ARID1B: variants seen among roughly 807,000 people sequenced by gnomAD.
The protein encoded by ARID1B is AT-rich interaction domain 1B.
In ARID1B, 30 loss-of-function variants were observed where a neutral mutation model predicts 212.3. That is an observed-to-expected ratio of 0.14 (90% CI 0.11 to 0.19). The LOEUF is 0.19. ARID1B is among the 10% of genes least tolerant of loss of function. ARID1B has a pLI of 1.00. For synonymous variants in ARID1B, 1,402 were observed against 1,301.7 expected (o/e 1.08, Z -1.66); for missense variants, 2,891 against 3,204.0 (o/e 0.90, Z 2.36).
chr6:156,824,931 C>T (rs1254601908), intron 1 of ARID1B, among the ~76,000 whole-genome samples: 1 of 151,408 alleles, frequency 6.6e-6, no homozygotes, highest in Non-Finnish European at 1.5e-5. Context: ...GTGGCACGAT[C>T]TTGGCTCACT....
chr6:157,114,840 T>G lies in ARID1B; in HGVS notation c.2581+4279T>G, dbSNP rs555364715. Reference sequence around the variant, plus strand: ...ACCTACTTCTCTCTAGAGGTGCAGTTTTCTGAGTTCTCCCTCCAAGTCCTC... The same window carrying G: ...ACCTACTTCTCTCTAGAGGTGCAGTGTTCTGAGTTCTCCCTCCAAGTCCTC... On this transcript the variant is annotated intron_variant, in intron 6 of 19. Coordinates refer to ENST00000636930, the MANE Select transcript of ARID1B (RefSeq NM_001374828.1). Among the ~76,000 whole-genome samples the G allele has an allele frequency of 5.9e-5, 9 of 152,268 alleles. No homozygotes were observed. In the South Asian group the frequency reaches 1.9e-3, roughly 32 times the overall value.
chr6:156,893,946 C>A (rs530931893), intron 2 of ARID1B, among the ~76,000 whole-genome samples: 10 of 151,996 alleles, frequency 6.6e-5, no homozygotes, highest in Non-Finnish European at 1.5e-4. Flanking sequence ...CGGAATGTAC[C>A]CCAAGACGTA....
At position 157,190,171 on chromosome 6, in the gene ARID1B, T is replaced by G. The variant is rs901194685; in HGVS notation, c.4192T>G (p.Tyr1398Asp). 1 of 1,613,948 alleles carries G rather than the reference T, an allele frequency of 6.2e-7. No homozygotes were observed. The highest frequency in any genetic ancestry group is 8.5e-7 in the Non-Finnish European group (1 of 1,179,970). Reference sequence around the variant, plus strand: ...GCCCGATGTGATGGGCAGGATGCCCTATGAGCCCAACAAGGACCCCTTTGG... The same window carrying G: ...GCCCGATGTGATGGGCAGGATGCCCGATGAGCCCAACAAGGACCCCTTTGG... ...SMPDVMGRMP[Y>D]EPNKDPFGGM... Residue 1398 changes from tyrosine (Y) to aspartate (D), a missense_variant, in exon 15 of 20, where the codon TAT becomes GAT. Tyr to Asp is a radical substitution (Grantham distance 160, BLOSUM62 -3). Around this residue, in one of 7 missense-constraint regions of ARID1B, gnomAD observed 666 missense variants for 873.5 expected, o/e 0.76. Transcript: ENST00000636930. This position sits in a 1 kb window ranked among gnomAD's most constrained non-coding sequence, Gnocchi z 4.6.
At chr6:156,966,723 A>T (rs1174418345) in intron 4 of ARID1B, among the ~76,000 whole-genome samples, 1 of 148,144 alleles carries the variant, frequency 6.8e-6, no homozygotes, top group Non-Finnish European at 1.5e-5. Flanking sequence ...TTGCTTTGAG[A>T]CGGAGTCTCG....
At chr6:156,818,098 A>ATTTTTTT (rs71027317) in intron 1 of ARID1B, among the ~76,000 whole-genome samples, 2 of 61,330 alleles carry the variant, frequency 3.3e-5, no homozygotes, top group Non-Finnish European at 5.8e-5. Flanking sequence ...TAGTTGCCCT[A>ATTTTTTT]TTTTTTTTTT....
chr6:156,950,997 A>G (rs565182198), intron 4 of ARID1B, among the ~76,000 whole-genome samples: 2 of 152,318 alleles, frequency 1.3e-5, no homozygotes, highest in South Asian at 4.1e-4. Flanking sequence ...CAGATACTCT[A>G]TAACTTAATG....
intron 6 of ARID1B, among the ~76,000 whole-genome samples, chr6:157,116,462 G>T (rs1787326480): frequency 6.7e-6 from 1 of 149,308 alleles, no homozygotes; most frequent in African/African-American, 2.5e-5. Context: ...ATCAACACAG[G>T]TTATTTAACC....
chr6:157,105,076 T>A (rs893031211), intron 5 of ARID1B, among the ~76,000 whole-genome samples: 1 of 152,148 alleles, frequency 6.6e-6, no homozygotes, highest in Non-Finnish European at 1.5e-5. Flanking sequence ...AAGATGATAT[T>A]TCAAGTCACT....
chr6:156,776,371 G>A (rs1410270660), upstream of ARID1B: 3 of 152,066 alleles, frequency 2.0e-5, no homozygotes, highest in African/African-American at 4.8e-5. Flanking sequence ...AGAGTTGACT[G>A]TTTTATATTA....
At chr6:156,889,688 C>T (rs958456112) in intron 2 of ARID1B, among the ~76,000 whole-genome samples, 4 of 152,084 alleles carry the variant, frequency 2.6e-5, no homozygotes, top group Non-Finnish European at 5.9e-5. Context: ...CCTTCGGGAT[C>T]GTTTGTGCTA....
In ARID1B at chr6:157,206,688, C is replaced by T. The variant is rs141738728; in HGVS notation, c.5916C>T (p.Pro1972=). The change falls in exon 20 of 20, where the codon CCC becomes CCT. Residue 1972 remains proline, a synonymous_variant. Transcript: ENST00000636930. The surrounding 1 kb of genome is among the most constrained non-coding windows in gnomAD (Gnocchi z 6.8). ...EIPPRRRPPP[P]LSSAGRKKEQ... ...CTCCTCGCAGGCGCCCACCTCCCCC[C>T]TTAAGCTCCGCAGGTAGAAAGAAAG... 5 of 1,612,886 alleles carry T rather than the reference C, an allele frequency of 3.1e-6. No homozygotes were observed. Among genetic ancestry groups the T allele is most frequent in the Non-Finnish European group, 4.2e-6 (5 of 1,180,012 alleles).
At chr6:156,839,893 A>G (rs1365903533) in intron 2 of ARID1B, among the ~76,000 whole-genome samples, 1 of 152,228 alleles carries the variant, frequency 6.6e-6, no homozygotes, top group African/African-American at 2.4e-5. Context: ...TTCCAAATCA[A>G]ACTCTGCTAT....
intron 4 of ARID1B, among the ~76,000 whole-genome samples, chr6:156,944,861 T>C (rs1295732820): frequency 2.6e-5 from 4 of 152,158 alleles, no homozygotes. Context: ...CCCAAGCTGT[T>C]TTCCTGGAGA....
At chr6:157,037,581 A>T (rs994584908) in intron 4 of ARID1B, among the ~76,000 whole-genome samples, 2 of 152,180 alleles carry the variant, frequency 1.3e-5, no homozygotes, top group African/African-American at 4.8e-5. Context: ...AGGAAGCTAA[A>T]AGTAGTTAAG....
intron 5 of ARID1B, among the ~76,000 whole-genome samples, chr6:157,087,672 G>A (rs1785039297): frequency 6.6e-6 from 1 of 152,162 alleles, no homozygotes; most frequent in Non-Finnish European, 1.5e-5. Context: ...GTGTTTTTGT[G>A]CAATTCAGAA....
At chr6:157,128,301 T>C (rs1369371995) in intron 6 of ARID1B, among the ~76,000 whole-genome samples, 1 of 152,236 alleles carries the variant, frequency 6.6e-6, no homozygotes, top group Non-Finnish European at 1.5e-5. Flanking sequence ...TTATGTGTCA[T>C]GTACCTACCT....
At chr6:157,025,305 A>C (rs1780588337) in intron 4 of ARID1B, among the ~76,000 whole-genome samples, 1 of 152,262 alleles carries the variant, frequency 6.6e-6, no homozygotes, top group African/African-American at 2.4e-5. Context: ...GTTTGAATTC[A>C]TGTCTGAATA....
At chr6:157,000,839 G>A (rs1232770130) in intron 4 of ARID1B, among the ~76,000 whole-genome samples, 1 of 151,620 alleles carries the variant, frequency 6.6e-6, no homozygotes, top group Non-Finnish European at 1.5e-5. Flanking sequence ...GATTACAGGT[G>A]TGCGCCACCA....
At chr6:156,818,556 G>A (rs1022474814) in intron 1 of ARID1B, among the ~76,000 whole-genome samples, 9 of 151,998 alleles carry the variant, frequency 5.9e-5, no homozygotes, top group African/African-American at 2.2e-4. Context: ...TTGTCTGAGG[G>A]AGGTATTATT....
Sources: gnomAD v4.1 joint callset for allele counts (sites outside exome capture counted in the v4.1 genomes callset) on GRCh38, gnomAD v4.1.1 for gene constraint, gnomAD v4.1.1 regional missense constraint, Gnocchi (gnomAD v3.1) non-coding constraint, MANE v1.5 for transcripts, NCBI Gene and HGNC (gene_info 2026-07-23, HGNC 2026-07-21) for gene names.